Variants in TG observed in about 807,000 individuals in gnomAD.
The protein encoded by TG is thyroglobulin, also known as thyroid hormones.
A neutral mutation model predicts 324.7 loss-of-function variants in TG; 270 were observed. The observed-to-expected ratio is 0.83, with a 90% CI of 0.75 to 0.92. TG has a LOEUF of 0.92. TG is among the 40% of genes least tolerant of loss of function. The pLI is 0.00. For synonymous variants in TG, 1,401 were observed against 1,327.0 expected, an observed-to-expected ratio of 1.06 and a Z score of -1.21; for missense variants, 3,591 against 3,456.4, an observed-to-expected ratio of 1.04 and a Z score of -0.98.
intron 41 of TG, among the ~76,000 whole-genome samples, chr8:133,061,211 T>C (rs1025368599): frequency 2.0e-5 from 3 of 152,192 alleles, no homozygotes; most frequent in Non-Finnish European, 4.4e-5. Context: ...GGTTTCACCA[T>C]GTTGCCAGGC....
intron 19 of TG, among the ~76,000 whole-genome samples, chr8:132,912,519 G>T (rs919659981): frequency 6.6e-6 from 1 of 151,990 alleles, no homozygotes; most frequent in Non-Finnish European, 1.5e-5. Flanking sequence ...TTTGACACCT[G>T]GAGACCTCTC....
At chr8:132,869,691 C>A (rs767714552) in intron 2 of TG, 38 bp from the exon 3 acceptor site, 3 of 1,571,572 alleles carry the variant, frequency 1.9e-6, no homozygotes, top group Admixed American at 3.3e-5. Context: ...GCTTTGGGGG[C>A]CCATCCCAGG....
intron 11 of TG, among the ~76,000 whole-genome samples, chr8:132,894,555 C>T (rs1264825151): frequency 2.0e-5 from 3 of 151,756 alleles, no homozygotes; most frequent in African/African-American, 4.8e-5. Flanking sequence ...AACTCCTGGG[C>T]TCAAGCAATC....
intron 43 of TG, among the ~76,000 whole-genome samples, chr8:133,109,106 A>G (rs1368543179): frequency 6.6e-6 from 1 of 152,140 alleles, no homozygotes; most frequent in Non-Finnish European, 1.5e-5. Flanking sequence ...CCTTTCAACC[A>G]TTATCTCTAG....
At chr8:132,971,588 C>T (rs918757724) in intron 32 of TG, among the ~76,000 whole-genome samples, 1 of 152,124 alleles carries the variant, frequency 6.6e-6, no homozygotes, top group Admixed American at 6.5e-5. Context: ...GGACAGTATT[C>T]CTGAGAGGAG....
chr8:133,103,788 T>C (rs147929567), intron 43 of TG, among the ~76,000 whole-genome samples: 21 of 152,298 alleles, frequency 1.4e-4, no homozygotes, highest in Non-Finnish European at 2.4e-4. Context: ...CTCTCCAACA[T>C]AGATTATTCA....
chr8:132,938,474 G>C (rs1373414514), intron 25 of TG, among the ~76,000 whole-genome samples: 1 of 152,128 alleles, frequency 6.6e-6, no homozygotes, highest in Non-Finnish European at 1.5e-5. Context: ...CATCAAAGTG[G>C]AACCTCCTCT....
At chr8:133,049,951 C>A (rs1840095729) in intron 41 of TG, 2 of 1,613,628 alleles carry the variant, frequency 1.2e-6, no homozygotes, top group African/African-American at 2.7e-5. Flanking sequence ...CTCTCTCGAC[C>A]AGTGCTAAGA....
intron 41 of TG, among the ~76,000 whole-genome samples, chr8:133,075,577 C>T (rs1001486065): frequency 2.6e-5 from 4 of 152,300 alleles, no homozygotes; most frequent in African/African-American, 4.8e-5. Flanking sequence ...TGCGGGAGAA[C>T]GTCTAGTTCT....
intron 40 of TG, among the ~76,000 whole-genome samples, chr8:133,026,820 C>A (rs1836130040): frequency 6.6e-6 from 1 of 152,196 alleles, no homozygotes. Context: ...AGGCTGGAGA[C>A]AAGGACACAC....
At chr8:132,945,320 A>G (rs1224697007) in intron 26 of TG, among the ~76,000 whole-genome samples, 1 of 152,080 alleles carries the variant, frequency 6.6e-6, no homozygotes, top group Non-Finnish European at 1.5e-5. Context: ...ATTCAATAAG[A>G]CTTTGAATTT....
chr8:132,903,193 A>G (rs1209818243), intron 16 of TG, among the ~76,000 whole-genome samples: 1 of 152,202 alleles, frequency 6.6e-6, no homozygotes, highest in African/African-American at 2.4e-5. Flanking sequence ...CAAAGGAAGA[A>G]CTTTGGCCTC....
intron 27 of TG, among the ~76,000 whole-genome samples, chr8:132,954,973 C>T (rs747483066): frequency 6.6e-6 from 1 of 152,186 alleles, no homozygotes; most frequent in Non-Finnish European, 1.5e-5. Flanking sequence ...AAACACATGG[C>T]CTCCTGAGGC....
chr8:133,082,303 G>C (rs1231936172), intron 41 of TG, among the ~76,000 whole-genome samples: 2 of 152,112 alleles, frequency 1.3e-5, no homozygotes, highest in South Asian at 4.1e-4. Context: ...AGCTAGCTTT[G>C]GCACTTTGCA....
At chr8:132,885,667 T>G (rs1384355300) in intron 8 of TG, among the ~76,000 whole-genome samples, 1 of 151,916 alleles carries the variant, frequency 6.6e-6, no homozygotes, top group Non-Finnish European at 1.5e-5. Context: ...CGCATAGGAA[T>G]GTGTTGGTCT....
intron 45 of TG, among the ~76,000 whole-genome samples, chr8:133,118,314 T>C (rs957780531): frequency 7.0e-6 from 1 of 143,706 alleles, no homozygotes; most frequent in Non-Finnish European, 1.5e-5. Context: ...CCCAAACAGA[T>C]TCTTCCTTTT....
At chr8:133,018,084 C>A in intron 38 of TG, 87 bp downstream of exon 38, 1 of 1,333,908 alleles carries the variant, frequency 7.5e-7, no homozygotes, top group Non-Finnish European at 1.1e-6. Context: ...AGTAGCAGAG[C>A]AGTGCATTTT....
chr8:132,887,211 A>C lies in TG; in HGVS notation c.1839A>C (p.Glu613Asp), dbSNP rs1321292169. The change falls in exon 9 of 48, where the codon GAA becomes GAC. Residue 613 changes from glutamate (E) to aspartate (D), a missense_variant. Transcript: ENST00000220616. Reference protein sequence around the residue: ...LSSQTCEQTPERLFVPSCTTE... With the variant: ...LSSQTCEQTPDRLFVPSCTTE... ...CCCAGACCTGTGAGCAGACACCTGAAAGGCTATTTGTCCCATCATGCACGA... is the reference window on the plus strand; with the variant it reads ...CCCAGACCTGTGAGCAGACACCTGACAGGCTATTTGTCCCATCATGCACGA... 2 of 1,612,076 alleles carry C rather than the reference A, an allele frequency of 1.2e-6. No homozygotes were observed. The highest frequency in any genetic ancestry group is 1.3e-5 in the African/African-American group (1 of 74,786).
At chr8:133,049,078 C>A (rs917279607) in intron 41 of TG, 15 of 440,526 alleles carry the variant, frequency 3.4e-5, no homozygotes, top group Non-Finnish European at 9.2e-6. Flanking sequence ...GGAGGTGAAG[C>A]GACTTTTACA....
Sources: gnomAD v4.1 joint callset for allele counts (sites outside exome capture counted in the v4.1 genomes callset) on GRCh38, gnomAD v4.1.1 for gene constraint, MANE v1.5 for transcripts, NCBI Gene and HGNC (gene_info 2026-07-23, HGNC 2026-07-21) for gene names.